Variants in EVL observed in about 807,000 individuals in gnomAD.
The protein encoded by EVL is ena/VASP-like protein.
Under a neutral mutation model 59.6 loss-of-function variants are expected in EVL, and 21 were observed. The observed-to-expected ratio is 0.35, with a 90% CI of 0.25 to 0.51. EVL has a LOEUF of 0.51. Among genes scored for constraint, EVL ranks in the 20% least tolerant of loss-of-function variants. EVL has a pLI of 0.97. For missense variants in EVL, 462 were observed against 546.6 expected, an observed-to-expected ratio of 0.85 and a Z score of 1.54; for synonymous variants, 198 against 203.5, an observed-to-expected ratio of 0.97 and a Z score of 0.23.
chr14:100,135,332 A>C (rs1254612927), intron 8 of EVL: 2 of 152,416 alleles, frequency 1.3e-5, no homozygotes, highest in Middle Eastern at 3.1e-3. Context: ...GCCGCCTGTC[A>C]ACAGCTCAAA....
intron 1 of EVL, among the ~76,000 whole-genome samples, chr14:100,029,006 A>G (rs924664851): frequency 6.6e-6 from 1 of 152,238 alleles, no homozygotes; most frequent in Non-Finnish European, 1.5e-5. Flanking sequence ...AGGATAATGT[A>G]TAGGAAAGAA....
At chr14:100,084,053 T>TCTC (rs373913969) in intron 1 of EVL, among the ~76,000 whole-genome samples, 4 of 76,876 alleles carry the variant, frequency 5.2e-5, no homozygotes, top group African/African-American at 4.1e-4. Context: ...TCTCTCTCTC[T>TCTC]TTTTTTTTTT....
chr14:100,136,273 G>T (rs886862563), intron 9 of EVL, among the ~76,000 whole-genome samples: 5 of 152,236 alleles, frequency 3.3e-5, no homozygotes, highest in African/African-American at 1.2e-4. Flanking sequence ...ATTCAGGGTG[G>T]GAGTTTGTGT....
intron 5 of EVL, 112 bp downstream of exon 5, chr14:100,126,883 G>A: frequency 1.0e-6 from 1 of 997,662 alleles, no homozygotes; most frequent in East Asian, 2.5e-5. Flanking sequence ...GCTATGGGGA[G>A]CCTAGGTCTC....
chr14:99,988,144 G>A (rs545742569), intron 1 of EVL, among the ~76,000 whole-genome samples: 6 of 152,018 alleles, frequency 3.9e-5, no homozygotes, highest in Admixed American at 2.0e-4. Context: ...CCAAACTCCC[G>A]ACTTCAGGTG....
chr14:100,005,268 G>T (rs1162175071), intron 1 of EVL, among the ~76,000 whole-genome samples: 1 of 152,148 alleles, frequency 6.6e-6, no homozygotes, highest in African/African-American at 2.4e-5. Flanking sequence ...ACTGCCTGTG[G>T]ACTAGACTGC....
At chr14:100,008,485 C>T (rs1049887354) in intron 1 of EVL, among the ~76,000 whole-genome samples, 23 of 152,138 alleles carry the variant, frequency 1.5e-4, no homozygotes, top group African/African-American at 5.1e-4. Context: ...CATGTTCTTG[C>T]GTGTAACACA....
chr14:100,001,600 G>A (rs2060946602), intron 1 of EVL, among the ~76,000 whole-genome samples: 1 of 152,208 alleles, frequency 6.6e-6, no homozygotes, highest in Non-Finnish European at 1.5e-5. Context: ...AGGAGTCTCA[G>A]ATAAGGCTTT....
chr14:100,109,574 C>T lies in EVL; in HGVS notation c.358+11916C>T. 4.2e-6 allele frequency: 2 copies of T among 480,352 alleles called. No individual in the cohort carries two copies. 29.8% of individuals were successfully genotyped at this position (480,352 alleles called of 1,614,324 possible). On this transcript the variant is annotated intron_variant, in intron 3 of 13. Transcript: ENST00000392920. The surrounding 1 kb of genome is among the most constrained non-coding windows in gnomAD (Gnocchi z 4.3). Reference sequence around the variant, plus strand: ...ATGTCATATTGTGTGCCTCTCATAGCCTGGCACTTCCTGCCATTGCATCCT... The same window carrying T: ...ATGTCATATTGTGTGCCTCTCATAGTCTGGCACTTCCTGCCATTGCATCCT...
chr14:100,124,369 C>T (rs923923946), intron 4 of EVL, among the ~76,000 whole-genome samples: 2 of 152,228 alleles, frequency 1.3e-5, no homozygotes, highest in Non-Finnish European at 2.9e-5. Context: ...AAATGGCATA[C>T]GGACTTCTCC....
Position 100,130,686 on chromosome 14 carries a change from G to A in EVL, c.839+1002G>A, listed in dbSNP as rs1370452159. Among the ~76,000 whole-genome samples the A allele has an allele frequency of 6.6e-6, 1 of 152,246 alleles. No individual in the cohort carries two copies. The highest frequency in any genetic ancestry group is 1.5e-5 in the Non-Finnish European group (1 of 68,046). ...TGCGAGATGACAGAGGCCCACAGCTGCAGGCAGCTGGTGTGGCGCTTCATG... is the reference window on the plus strand; with the variant it reads ...TGCGAGATGACAGAGGCCCACAGCTACAGGCAGCTGGTGTGGCGCTTCATG... On this transcript the variant is annotated intron_variant, in intron 7 of 13. Coordinates refer to ENST00000392920, the MANE Select transcript of EVL (RefSeq NM_016337.3). The surrounding 1 kb of genome is among the most constrained non-coding windows in gnomAD (Gnocchi z 4.8).
intron 1 of EVL, among the ~76,000 whole-genome samples, chr14:100,008,526 C>G (rs2060997613): frequency 6.6e-6 from 1 of 152,170 alleles, no homozygotes; most frequent in Non-Finnish European, 1.5e-5. Context: ...CATTCAGTGC[C>G]TGTTCTAGTG....
At chr14:100,028,143 T>TGTTTG (rs2061249961) in intron 1 of EVL, among the ~76,000 whole-genome samples, 2 of 150,888 alleles carry the variant, frequency 1.3e-5, no homozygotes, top group African/African-American at 4.9e-5. Flanking sequence ...TGTTTTTTTT[T>TGTTTG]TTTTTTTTGA....
Position 100,128,733 on chromosome 14 carries a change from G to T in EVL, c.702G>T (p.Leu234=), listed in dbSNP as rs924994799. ...CCGCTGCCATAGCTGGGGCCAAGCT[G>T]AGAAGAGTCCAACGGGTAAGAGCTC... ...GLAAAIAGAK[L]RRVQRPEDAS... is the part of the protein sequence containing the mutation. Residue 234 remains leucine (L), a synonymous_variant, in exon 6 of 14, where the codon CTG becomes CTT. Coordinates refer to ENST00000392920, the MANE Select transcript of EVL (RefSeq NM_016337.3). 2 of 1,605,798 alleles carry T rather than the reference G, an allele frequency of 1.2e-6. No homozygotes were observed. Among genetic ancestry groups the T allele is most frequent in the Non-Finnish European group, 8.5e-7 (1 of 1,179,750 alleles).
chr14:100,028,407 C>T (rs2061255653), intron 1 of EVL, among the ~76,000 whole-genome samples: 1 of 151,758 alleles, frequency 6.6e-6, no homozygotes. Flanking sequence ...GATCTTTTGC[C>T]CATTTTTAAA....
chr14:100,067,293 A>T lies in EVL; in HGVS notation c.11+1782A>T, dbSNP rs566561140. 2.0e-5 allele frequency among the ~76,000 whole-genome samples: 3 copies of T among 152,326 alleles called. No homozygotes were observed. In the East Asian group the frequency reaches 5.8e-4, roughly 29 times the overall value. On this transcript the variant is annotated intron_variant, in intron 1 of 13. Transcript: ENST00000392920. ...ATACCGTGGCGCCTGTGGTGGGGAT[A>T]CAAAGGACCTTTTAAATGTGAAAAT...
chr14:100,088,404 T>C (rs2062492686), intron 2 of EVL, among the ~76,000 whole-genome samples: 1 of 152,172 alleles, frequency 6.6e-6, no homozygotes, highest in Admixed American at 6.5e-5. Flanking sequence ...TGAGGATACA[T>C]CCTGAGAAAT....
intron 1 of EVL, among the ~76,000 whole-genome samples, chr14:100,011,549 C>G (rs1321005175): frequency 6.6e-6 from 1 of 152,096 alleles, no homozygotes; most frequent in Non-Finnish European, 1.5e-5. Flanking sequence ...GTGTTTTTAG[C>G]TTTTTGAAAA....
rs751929083 is a variant in EVL at position 100,135,925 on chromosome 14, C to T, written c.921C>T (p.Pro307=). The T allele has an allele frequency of 1.3e-5, 21 of 1,613,858 alleles. No individual in the cohort carries two copies. Among genetic ancestry groups the T allele is most frequent in the Middle Eastern group, 1.6e-4 (1 of 6,084 alleles). The change falls in exon 9 of 14, where the codon CCC becomes CCT. Residue 307 remains proline, a synonymous_variant. Coordinates refer to ENST00000392920, the MANE Select transcript of EVL (RefSeq NM_016337.3). ...TTTAGGAAGATCCTAGTACCTCCCC[C>T]TCTCCGGGGACCCGAGCAGCCAGCC... The part of the protein sequence containing the change: ...ESQMEDPSTS[P]SPGTRAASQP...
Sources: allele counts gnomAD v4.1 joint callset (sites outside exome capture counted in the v4.1 genomes callset), GRCh38; gene constraint gnomAD v4.1.1; non-coding constraint Gnocchi (gnomAD v3.1); transcripts MANE v1.5; gene names NCBI Gene and HGNC (gene_info 2026-07-23, HGNC 2026-07-21).